The following SLC60A1 variants were observed in gnomAD, a reference collection of about 807,000 sequenced individuals.
The protein encoded by SLC60A1 is major facilitator superfamily domain containing 4.
chr1:205,594,183 ACAG>A, the SLC60A1 span, among the ~76,000 whole-genome samples: 1 of 152,162 alleles, frequency 6.6e-6, no homozygotes, highest in South Asian at 2.1e-4. Context: ...TGTCCTAACA[ACAG>A]GACAGCCACG....
the SLC60A1 span, among the ~76,000 whole-genome samples, chr1:205,593,698 A>G: frequency 6.6e-6 from 1 of 152,032 alleles, no homozygotes; most frequent in Non-Finnish European, 1.5e-5. Context: ...AATTTTTTTT[A>G]TTATATAAGT....
chr1:205,585,761 G>A, the SLC60A1 span, among the ~76,000 whole-genome samples: 1 of 151,598 alleles, frequency 6.6e-6, no homozygotes, highest in Admixed American at 6.6e-5. The surrounding 1 kb of genome is among the most constrained non-coding windows in gnomAD (Gnocchi z 4.2). Flanking sequence ...GGCCCTGCGG[G>A]CACTCCCATG....
the SLC60A1 span, chr1:205,584,133 C>G: frequency 1.9e-6 from 3 of 1,610,734 alleles, no homozygotes; most frequent in East Asian, 4.5e-5. Context: ...GGTAGGGGCT[C>G]TAATGAATCT....
At chr1:205,570,586 C>T in the SLC60A1 span, among the ~76,000 whole-genome samples, 2 of 152,170 alleles carry the variant, frequency 1.3e-5, no homozygotes, top group African/African-American at 2.4e-5. Flanking sequence ...ATTTTGGAAG[C>T]GATTATCCCC....
chr1:205,580,723 G>T, the SLC60A1 span: 1 of 1,611,520 alleles, frequency 6.2e-7, no homozygotes, highest in Non-Finnish European at 8.5e-7. This position sits in a 1 kb window ranked among gnomAD's most constrained non-coding sequence, Gnocchi z 5.0. Context: ...ACCCTTTCCT[G>T]TCTGAGGCCA....
chr1:205,602,876 C>G, the SLC60A1 span: 1 of 152,234 alleles, frequency 6.6e-6, no homozygotes, highest in Middle Eastern at 3.4e-3. Flanking sequence ...AACATTAACA[C>G]AAATCTAAGA....
chr1:205,574,791 C>T, the SLC60A1 span, among the ~76,000 whole-genome samples: 3 of 152,176 alleles, frequency 2.0e-5, no homozygotes, highest in South Asian at 2.1e-4. Flanking sequence ...TCAAGCTCAA[C>T]CAACATCTAA....
the SLC60A1 span, chr1:205,592,376 T>A: frequency 7.9e-7 from 1 of 1,261,476 alleles, no homozygotes; most frequent in Non-Finnish European, 1.0e-6. Context: ...CTCTTTTTTT[T>A]TTTTTTTAAT....
At chr1:205,579,849 C>T in the SLC60A1 span, 1 of 1,614,066 alleles carries the variant, frequency 6.2e-7, no homozygotes, top group African/African-American at 1.3e-5. Context: ...GTGCTGGCCT[C>T]AGTCATGGCG....
the SLC60A1 span, chr1:205,584,070 C>T: frequency 6.2e-7 from 1 of 1,614,080 alleles, no homozygotes; most frequent in Non-Finnish European, 8.5e-7. Context: ...GAGACACAGC[C>T]TCCTGAGAAG....
the SLC60A1 span, chr1:205,597,599 T>C: frequency 5.4e-6 from 3 of 558,478 alleles, no homozygotes; most frequent in Admixed American, 6.1e-5. Flanking sequence ...TCTTGTGATA[T>C]TGCCCAGACT....
the SLC60A1 span, among the ~76,000 whole-genome samples, chr1:205,576,945 G>T: frequency 6.6e-6 from 1 of 152,082 alleles, no homozygotes; most frequent in Non-Finnish European, 1.5e-5. Context: ...TCCCAGGCGT[G>T]GTTCTCTCCA....
the SLC60A1 span, among the ~76,000 whole-genome samples, chr1:205,575,150 C>A: frequency 1.3e-5 from 2 of 152,300 alleles, no homozygotes; most frequent in Non-Finnish European, 2.9e-5. Flanking sequence ...TTTCTTGTCC[C>A]AGGTCCCCAA....
chr1:205,574,973 G>A, the SLC60A1 span, among the ~76,000 whole-genome samples: 1 of 152,150 alleles, frequency 6.6e-6, no homozygotes, highest in Non-Finnish European at 1.5e-5. Flanking sequence ...TTAACATGGG[G>A]CCCTTAACAA....
chr1:205,580,632 C>A, the SLC60A1 span: 3 of 1,587,380 alleles, frequency 1.9e-6, no homozygotes, highest in South Asian at 3.3e-5. This position sits in a 1 kb window ranked among gnomAD's most constrained non-coding sequence, Gnocchi z 5.0. Context: ...GACCCCCACC[C>A]CCACCCGCCA....
At chr1:205,571,436 A>T in the SLC60A1 span, among the ~76,000 whole-genome samples, 7 of 152,278 alleles carry the variant, frequency 4.6e-5, no homozygotes, top group East Asian at 1.4e-3. Flanking sequence ...GAGCTCTGAC[A>T]ACTTCTGGGA....
chr1:205,572,524 C>T, the SLC60A1 span, among the ~76,000 whole-genome samples: 1 of 152,144 alleles, frequency 6.6e-6, no homozygotes, highest in Non-Finnish European at 1.5e-5. Flanking sequence ...TGCCCCAGAC[C>T]TAGCTATGAC....
At chr1:205,580,019 C>G in the SLC60A1 span, 2 of 1,474,096 alleles carry the variant, frequency 1.4e-6, no homozygotes, top group Non-Finnish European at 1.8e-6. The surrounding 1 kb of genome is among the most constrained non-coding windows in gnomAD (Gnocchi z 5.0). Context: ...CCCCCTCAGT[C>G]TCTCCCAGCC....
the SLC60A1 span, chr1:205,601,235 G>A: frequency 6.6e-6 from 1 of 152,210 alleles, no homozygotes; most frequent in Non-Finnish European, 1.5e-5. Flanking sequence ...TGCTCTTGAG[G>A]TAATTTACGT....
Sources: allele counts gnomAD v4.1 joint callset (sites outside exome capture counted in the v4.1 genomes callset), GRCh38; gene constraint gnomAD v4.1.1; non-coding constraint Gnocchi (gnomAD v3.1); transcripts MANE v1.5; gene names NCBI Gene and HGNC (gene_info 2026-07-23, HGNC 2026-07-21).